The following HOMER2 variants were observed in gnomAD, a reference collection of about 807,000 sequenced individuals.
HOMER2 encodes homer scaffold protein 2.
A neutral mutation model predicts 47.0 loss-of-function variants in HOMER2; 27 were observed. That is an observed-to-expected ratio of 0.57 (90% CI 0.42 to 0.79). The LOEUF is 0.79. Among genes scored for constraint, HOMER2 ranks in the 30% least tolerant of loss-of-function variants. HOMER2 has a pLI of 0.00. For missense variants in HOMER2, 443 were observed against 435.0 expected, an observed-to-expected ratio of 1.02 and a Z score of -0.16; for synonymous variants, 161 against 163.8, an observed-to-expected ratio of 0.98 and a Z score of 0.13.
At chr15:82,892,896 T>C in intron 1 of HOMER2, 55 bp from the exon 2 acceptor site, 1 of 1,371,140 alleles carries the variant, frequency 7.3e-7, no homozygotes, top group Non-Finnish European at 9.7e-7. Flanking sequence ...ATGTATAATT[T>C]ATGATTTCTA....
At chr15:82,852,603 C>T (rs780071601) in intron 6 of HOMER2, 2 of 221,124 alleles carry the variant, frequency 9.0e-6, no homozygotes, top group Non-Finnish European at 1.8e-5. Flanking sequence ...AAGCAAGGGC[C>T]AAGTGTCCCC....
At chr15:82,916,958 T>C (rs7182096) in intron 1 of HOMER2, among the ~76,000 whole-genome samples, 87,372 of 151,570 alleles carry the variant, frequency 0.58, 26,819 homozygotes, top group African/African-American at 0.79. Flanking sequence ...CACGCCACAA[T>C]GTCCAGCTAA....
At chr15:82,976,249 A>G (rs144182507) in intron 1 of HOMER2, among the ~76,000 whole-genome samples, 37 of 151,880 alleles carry the variant, frequency 2.4e-4, no homozygotes, top group Admixed American at 9.2e-4. Flanking sequence ...TCTAGTTGCA[A>G]TTATCTCTCC....
intron 1 of HOMER2, among the ~76,000 whole-genome samples, chr15:82,962,258 G>A (rs908707175): frequency 2.0e-5 from 3 of 151,484 alleles, no homozygotes; most frequent in African/African-American, 4.9e-5. Flanking sequence ...CCAGCTACTC[G>A]GGAGGCTGAG....
At chr15:82,921,213 G>T (rs778098245) in intron 1 of HOMER2, among the ~76,000 whole-genome samples, 7 of 152,198 alleles carry the variant, frequency 4.6e-5, no homozygotes, top group African/African-American at 1.4e-4. Flanking sequence ...ACTTGAACCC[G>T]GGAGGCGGAG....
chr15:82,836,081 G>A (rs763120821), downstream of HOMER2: 3 of 152,172 alleles, frequency 2.0e-5, no homozygotes, highest in Middle Eastern at 3.1e-3. Flanking sequence ...TCAAAAGAAC[G>A]TTCTCACAAT....
At chr15:82,916,695 G>A (rs2053598469) in intron 1 of HOMER2, among the ~76,000 whole-genome samples, 2 of 152,202 alleles carry the variant, frequency 1.3e-5, no homozygotes. Context: ...AGATGGCAAA[G>A]GGACAAAGAT....
chr15:82,881,917 C>T lies in HOMER2; in HGVS notation c.163-6513G>A, dbSNP rs939390125. On this transcript the variant is annotated intron_variant, in intron 2 of 8. Transcript: ENST00000450735. ...TCCCAGGAGAAGCACCTGCTTCAGGCAAGTCTTGTCCACAGGCAGGCAGTT... is the reference window on the plus strand; with the variant it reads ...TCCCAGGAGAAGCACCTGCTTCAGGTAAGTCTTGTCCACAGGCAGGCAGTT... Among the ~76,000 whole-genome samples the T allele has an allele frequency of 3.1e-4, 47 of 152,178 alleles. 4 individuals carry two copies. Among genetic ancestry groups the T allele is most frequent in the African/African-American group, 2.4e-5 (1 of 41,452 alleles).
intron 1 of HOMER2, among the ~76,000 whole-genome samples, chr15:82,981,912 C>T (rs1035695315): frequency 1.4e-5 from 2 of 142,172 alleles, no homozygotes; most frequent in Admixed American, 1.3e-4. Flanking sequence ...GAAAAAATCT[C>T]GAGATGGATG....
intron 4 of HOMER2, among the ~76,000 whole-genome samples, chr15:82,859,900 C>G (rs1348983962): frequency 6.6e-6 from 1 of 151,626 alleles, no homozygotes; most frequent in Non-Finnish European, 1.5e-5. Context: ...TAAAATGAGA[C>G]AAAAACCCGG....
chr15:82,889,282 C>T (rs1596324704), intron 2 of HOMER2, among the ~76,000 whole-genome samples: 2 of 152,242 alleles, frequency 1.3e-5, no homozygotes, highest in East Asian at 1.9e-4. Context: ...AGTGTTCATA[C>T]TCCCCCAGCC....
intron 3 of HOMER2, among the ~76,000 whole-genome samples, chr15:82,870,084 G>T (rs1017459110): frequency 6.6e-6 from 1 of 152,176 alleles, no homozygotes; most frequent in East Asian, 1.9e-4. Flanking sequence ...GATAGAAAAT[G>T]AAACCATTAC....
Position 82,927,386 on chromosome 15 carries a change from G to A in HOMER2, c.5+25145C>T, listed in dbSNP as rs192743594. 2.6e-5 allele frequency among the ~76,000 whole-genome samples: 4 copies of A among 152,216 alleles called. No homozygotes were observed. The East Asian group carries it at 7.7e-4, about 29-fold the overall frequency. The stretch of plus-strand genomic sequence containing the variant: ...GATACTTAACAAATACTCACTGAAT[G>A]AGTGAATTATAATTGAGGAATTACT... On this transcript the variant is annotated intron_variant, in intron 1 of 8. Transcript: ENST00000450735.
chr15:82,852,329 GCTTCT>G (rs1443572644), intron 6 of HOMER2, 77 bp from the exon 7 acceptor site: 2 of 996,348 alleles, frequency 2.0e-6, no homozygotes, highest in Non-Finnish European at 3.1e-6. Flanking sequence ...CCACAGCTAT[GCTTCT>G]CTTTTCTTTT....
chr15:82,940,312 T>C lies in HOMER2; in HGVS notation c.5+12219A>G, dbSNP rs546795426. 3.9e-5 allele frequency among the ~76,000 whole-genome samples: 6 copies of C among 152,322 alleles called. 1 individual carries two copies. In the South Asian group the frequency reaches 1.2e-3, roughly 32 times the overall value. Reference sequence around the variant, plus strand: ...GCATAGTGACTCCAACCTACCAAGTTCTCATTAAATGATAGCTTAATTGTG... The same window carrying C: ...GCATAGTGACTCCAACCTACCAAGTCCTCATTAAATGATAGCTTAATTGTG... On this transcript the variant is annotated intron_variant, in intron 1 of 8. Transcript: ENST00000450735.
chr15:82,864,337 T>A (rs2051893797), intron 3 of HOMER2, 78 bp from the exon 4 acceptor site: 1 of 931,776 alleles, frequency 1.1e-6, no homozygotes, highest in Admixed American at 2.5e-5. Context: ...TTTATTTATT[T>A]TGCATCCATT....
intron 1 of HOMER2, among the ~76,000 whole-genome samples, chr15:82,896,120 T>C (rs1370580763): frequency 6.6e-6 from 1 of 151,962 alleles, no homozygotes; most frequent in African/African-American, 2.4e-5. Flanking sequence ...GAACAGGGTC[T>C]CTGGATGCAA....
At chr15:82,956,634 G>T (rs2151247748), upstream of HOMER2, among the ~76,000 whole-genome samples, 1 of 152,292 alleles carries the variant, frequency 6.6e-6, no homozygotes, top group Admixed American at 6.5e-5. Context: ...GAGATGAAGG[G>T]AAGTGGATTA....
Position 82,913,208 on chromosome 15 carries a change from G to A in HOMER2, c.6-20367C>T, listed in dbSNP as rs1213056180. Among the ~76,000 whole-genome samples the A allele has an allele frequency of 6.6e-6, 1 of 152,150 alleles. No homozygotes were observed. Among genetic ancestry groups the A allele is most frequent in the African/African-American group, 2.4e-5 (1 of 41,422 alleles). The stretch of plus-strand genomic sequence containing the variant: ...ACTCCTTGTATGAAGTGCCACGATG[G>A]AGTTAAAGCTCAGCATCCCTGTGCC... On this transcript the variant is annotated intron_variant, in intron 1 of 8. Coordinates refer to ENST00000450735, the MANE Select transcript of HOMER2 (RefSeq NM_004839.4). This position sits in a 1 kb window ranked among gnomAD's most constrained non-coding sequence, Gnocchi z 4.1.
Sources: gnomAD v4.1 joint callset for allele counts (sites outside exome capture counted in the v4.1 genomes callset) on GRCh38, gnomAD v4.1.1 for gene constraint, Gnocchi (gnomAD v3.1) non-coding constraint, MANE v1.5 for transcripts, NCBI Gene and HGNC (gene_info 2026-07-23, HGNC 2026-07-21) for gene names.